The following TDRD7 variants were observed in gnomAD, a reference collection of about 807,000 sequenced individuals.
TDRD7 encodes the protein tudor domain-containing protein 7.
A neutral mutation model predicts 109.8 loss-of-function variants in TDRD7; 47 were observed. The observed-to-expected ratio is 0.43, with a 90% CI of 0.34 to 0.55. The LOEUF is 0.55. Among genes scored for constraint, TDRD7 ranks in the 20% least tolerant of loss-of-function variants. TDRD7 has a pLI of 0.03. For missense variants in TDRD7, 1,164 were observed against 1,319.2 expected (o/e 0.88, Z 1.82); for synonymous variants, 424 against 457.3 (o/e 0.93, Z 0.93).
In TDRD7 at chr9:97,490,034, G is replaced by GCACACA. The variant is rs139007849; in HGVS notation, c.3076+2712_3076+2717dup. On this transcript the variant is annotated intron_variant, in intron 16 of 16. Transcript: ENST00000355295. ...CAGATACATGCACATGTGCACACGT[G>GCACACA]CACACACACACACACGCATACAGAA... Among the ~76,000 whole-genome samples, 1,188 of 151,158 alleles carry GCACACA rather than the reference G, an allele frequency of 7.9e-3. 39 individuals are homozygous for GCACACA. The East Asian group carries it at 0.1, about 13-fold the overall frequency.
chr9:97,444,490 C>T (rs1335735588), intron 6 of TDRD7, among the ~76,000 whole-genome samples: 1 of 152,224 alleles, frequency 6.6e-6, no homozygotes, highest in Non-Finnish European at 1.5e-5. Context: ...TTTCCCCCTT[C>T]TTATAACTTC....
At position 97,442,498 on chromosome 9, in the gene TDRD7, A is replaced by G. The variant is rs189272378; in HGVS notation, c.855+623A>G. The stretch of plus-strand genomic sequence containing the variant: ...AGATTATGGATCAGCATAGTTTATT[A>G]AAGATCTTAGTTCAGCCAGAAGTAG... On this transcript the variant is annotated intron_variant, in intron 6 of 16. Coordinates refer to ENST00000355295, the MANE Select transcript of TDRD7 (RefSeq NM_014290.3). Among the ~76,000 whole-genome samples the G allele has an allele frequency of 2.6e-5, 4 of 152,342 alleles. No homozygotes were observed. In the East Asian group the frequency reaches 7.7e-4, roughly 29 times the overall value.
At chr9:97,413,048 G>T (rs780933431) in intron 1 of TDRD7, among the ~76,000 whole-genome samples, 2 of 152,206 alleles carry the variant, frequency 1.3e-5, no homozygotes, top group Middle Eastern at 3.4e-3. Flanking sequence ...ACAAGTCCTG[G>T]CCCAGAAGAA....
chr9:97,470,015 T>A (rs1301613371), intron 8 of TDRD7, among the ~76,000 whole-genome samples: 1 of 152,160 alleles, frequency 6.6e-6, no homozygotes, highest in Non-Finnish European at 1.5e-5. Context: ...ATACCATTGT[T>A]GTCATTGATG....
intron 9 of TDRD7, among the ~76,000 whole-genome samples, chr9:97,471,749 C>T (rs867151681): frequency 1.3e-5 from 2 of 152,122 alleles, no homozygotes; most frequent in African/African-American, 2.4e-5. Flanking sequence ...AGTTGGACTA[C>T]AACAAAATTC....
At chr9:97,438,056 C>T (rs1387106451) in intron 4 of TDRD7, among the ~76,000 whole-genome samples, 1 of 152,170 alleles carries the variant, frequency 6.6e-6, no homozygotes, top group African/African-American at 2.4e-5. Flanking sequence ...CTACCTTCTA[C>T]TGGAGCCTTC....
At chr9:97,495,611 A>T (rs1587901209) in intron 16 of TDRD7, 52 bp from the exon 17 acceptor site, 1 of 1,525,178 alleles carries the variant, frequency 6.6e-7, no homozygotes, top group Middle Eastern at 2.1e-4. Flanking sequence ...TGGATCAAAG[A>T]AAAGCTCCTT....
chr9:97,436,042 A>C (rs1828190615), intron 4 of TDRD7, among the ~76,000 whole-genome samples: 1 of 152,158 alleles, frequency 6.6e-6, no homozygotes, highest in African/African-American at 2.4e-5. Flanking sequence ...CATTCTCAAG[A>C]GTTCCGGTTA....
intron 8 of TDRD7, among the ~76,000 whole-genome samples, chr9:97,468,412 T>G (rs62557545): frequency 6.6e-6 from 1 of 152,168 alleles, no homozygotes; most frequent in South Asian, 2.1e-4. Context: ...CTGAGAATTA[T>G]GGGCTGGATG....
At chr9:97,483,688 A>T (rs1456981533) in intron 15 of TDRD7, among the ~76,000 whole-genome samples, 3 of 151,928 alleles carry the variant, frequency 2.0e-5, no homozygotes, top group Admixed American at 6.5e-5. Flanking sequence ...TTATGGAAAA[A>T]TTTTAAAATA....
At chr9:97,425,910 C>G (rs1188037471) in intron 1 of TDRD7, among the ~76,000 whole-genome samples, 1 of 152,128 alleles carries the variant, frequency 6.6e-6, no homozygotes, top group Non-Finnish European at 1.5e-5. Context: ...TGGTATATAG[C>G]CTGTTGTTCC....
At chr9:97,463,253 A>AG (rs1400160459) in intron 7 of TDRD7, among the ~76,000 whole-genome samples, 2 of 152,208 alleles carry the variant, frequency 1.3e-5, no homozygotes, top group Non-Finnish European at 2.9e-5. Context: ...TCAAAAAAAA[A>AG]ATTAAACTAT....
rs1379222798 is a variant in TDRD7 at position 97,464,869 on chromosome 9, T to C, written c.1470T>C (p.Ala490=). Residue 490 remains alanine, a synonymous_variant, in exon 8 of 17, where the codon GCT becomes GCC. Coordinates refer to ENST00000355295, the MANE Select transcript of TDRD7 (RefSeq NM_014290.3). The part of the protein sequence containing the change: ...IRYVGKDYSA[A]QELMEDEMKE... ...ATGTGGGCAAAGACTATTCTGCTGCTCAGGAATTAATGGAAGATGAGATGA... is the reference window on the plus strand; with the variant it reads ...ATGTGGGCAAAGACTATTCTGCTGCCCAGGAATTAATGGAAGATGAGATGA... 5 of 1,614,186 alleles carry C rather than the reference T, an allele frequency of 3.1e-6. No homozygotes were observed. The highest frequency in any genetic ancestry group is 1.7e-6 in the Non-Finnish European group (2 of 1,180,010).
chr9:97,474,742 A>G (rs1035658372), intron 11 of TDRD7, among the ~76,000 whole-genome samples: 1 of 152,180 alleles, frequency 6.6e-6, no homozygotes. Flanking sequence ...AAAGGACTCG[A>G]TATTTCCTAC....
intron 12 of TDRD7, among the ~76,000 whole-genome samples, chr9:97,477,993 T>C (rs1052621011): frequency 6.6e-6 from 1 of 152,174 alleles, no homozygotes; most frequent in African/African-American, 2.4e-5. Context: ...GCGCGGTGGC[T>C]CACACCTGTA....
intron 16 of TDRD7, among the ~76,000 whole-genome samples, chr9:97,495,290 GAAA>G (rs1249391426): frequency 6.6e-6 from 1 of 151,630 alleles, no homozygotes; most frequent in Non-Finnish European, 1.5e-5. Flanking sequence ...TGGTCCATCA[GAAA>G]AAAAATTTTT....
chr9:97,435,344 A>C (rs749041893), intron 4 of TDRD7, among the ~76,000 whole-genome samples: 7 of 152,030 alleles, frequency 4.6e-5, no homozygotes, highest in Non-Finnish European at 8.8e-5. Flanking sequence ...TCAAATTGAC[A>C]GCAGGCCAGG....
chr9:97,431,098 AT>A, intron 3 of TDRD7, 24 bp downstream of exon 3: 1 of 1,613,612 alleles, frequency 6.2e-7, no homozygotes, highest in African/African-American at 1.3e-5. Flanking sequence ...ACATGCTAAA[AT>A]TTTTAGGGCT....
In TDRD7 at chr9:97,412,955, T is replaced by TGA. The variant is rs1485185325; in HGVS notation, c.-7+721_-7+722dup. 3.9e-5 allele frequency among the ~76,000 whole-genome samples: 6 copies of TGA among 152,170 alleles called. No individual in the cohort carries two copies. The highest frequency in any genetic ancestry group is 8.8e-5 in the Non-Finnish European group (6 of 68,030). Reference sequence around the variant, plus strand: ...GCATATCTTTCTGCTCCCATTCACTTGAGAGGTATATTTCCATTAATAGCT... The same window carrying TGA: ...GCATATCTTTCTGCTCCCATTCACTTGAGAGAGGTATATTTCCATTAATAGCT... On this transcript the variant is annotated intron_variant, in intron 1 of 16. Transcript: ENST00000355295. The surrounding 1 kb of genome is among the most constrained non-coding windows in gnomAD (Gnocchi z 4.3).
Sources: allele counts gnomAD v4.1 joint callset (sites outside exome capture counted in the v4.1 genomes callset), GRCh38; gene constraint gnomAD v4.1.1; non-coding constraint Gnocchi (gnomAD v3.1); transcripts MANE v1.5; gene names NCBI Gene and HGNC (gene_info 2026-07-23, HGNC 2026-07-21).